Variants in MAP3K3 observed in about 807,000 individuals in gnomAD.
MAP3K3 encodes the protein MAP/ERK kinase kinase 3.
Under a neutral mutation model 80.9 loss-of-function variants are expected in MAP3K3, and 12 were observed. That is an observed-to-expected ratio of 0.15 (90% CI 0.10 to 0.24). The LOEUF (loss-of-function observed/expected upper bound fraction) is 0.24, where lower values mean the gene tolerates loss of function less well. MAP3K3 is among the 10% of genes least tolerant of loss of function. MAP3K3 has a pLI of 1.00. For synonymous variants in MAP3K3, 272 were observed against 307.1 expected (o/e 0.89, Z 1.19); for missense variants, 596 against 834.7 (o/e 0.71, Z 3.52).
chr17:63,634,333 A>G (rs1388590195), intron 2 of MAP3K3, among the ~76,000 whole-genome samples: 2 of 152,152 alleles, frequency 1.3e-5, no homozygotes, highest in East Asian at 1.9e-4. Flanking sequence ...AGACTGGACT[A>G]TTAGCATGAA....
In MAP3K3 at chr17:63,690,366, C is replaced by T. The variant is rs1247901635; in HGVS notation, c.1166C>T (p.Ala389Val). ...GACGTGGACACGGGACGTGAACTTG[C>T]TTCCAAGCAGGTCCAATTTGATCCA... The part of the protein sequence containing the change: ...CYDVDTGREL[A>V]SKQVQFDPDS... Residue 389 changes from alanine (A) to valine (V), a missense_variant, in exon 12 of 16, where the codon GCT (alanine) becomes GTT (valine). By Grantham distance (64) the Ala-to-Val change is moderately conservative. Transcript: ENST00000361733. The T allele has an allele frequency of 6.2e-7, 1 of 1,614,188 alleles. No individual in the cohort carries two copies. Among genetic ancestry groups the T allele is most frequent in the South Asian group, 1.1e-5 (1 of 91,082 alleles).
At chr17:63,656,664 C>T (rs572422387) in intron 4 of MAP3K3, among the ~76,000 whole-genome samples, 122 of 152,152 alleles carry the variant, frequency 8.0e-4, no homozygotes, top group African/African-American at 2.5e-3. Flanking sequence ...GCAAGGCATA[C>T]GTTTGCATCT....
chr17:63,645,914 C>G (rs1342861381), intron 2 of MAP3K3, 120 bp from the exon 3 acceptor site: 1 of 722,412 alleles, frequency 1.4e-6, no homozygotes, highest in Non-Finnish European at 2.6e-6. Flanking sequence ...GAAGCTGGAC[C>G]AGGAGCCATC....
At chr17:63,663,484 G>A (rs552929655) in intron 5 of MAP3K3, among the ~76,000 whole-genome samples, 1 of 150,416 alleles carries the variant, frequency 6.6e-6, no homozygotes, top group East Asian at 2.0e-4. Flanking sequence ...CCTGGGCGAT[G>A]AGCGAAACTC....
At chr17:63,669,252 G>A (rs1458521047) in intron 6 of MAP3K3, among the ~76,000 whole-genome samples, 2 of 152,190 alleles carry the variant, frequency 1.3e-5, no homozygotes, top group Non-Finnish European at 2.9e-5. Context: ...GACAAGGGGA[G>A]AGAGGAGAGG....
intron 4 of MAP3K3, among the ~76,000 whole-genome samples, chr17:63,653,757 A>G (rs925535122): frequency 4.6e-5 from 7 of 152,220 alleles, no homozygotes; most frequent in Admixed American, 4.6e-4. Context: ...ATCTCTTTGT[A>G]ATTATAGTTT....
intron 7 of MAP3K3, 46 bp from the exon 8 acceptor site, chr17:63,685,471 G>T: frequency 6.7e-7 from 1 of 1,483,816 alleles, no homozygotes; most frequent in Non-Finnish European, 9.4e-7. Flanking sequence ...TCACTGGGGG[G>T]AATTGGGGCT....
At chr17:63,645,612 C>T (rs1235926695) in intron 2 of MAP3K3, among the ~76,000 whole-genome samples, 1 of 152,238 alleles carries the variant, frequency 6.6e-6, no homozygotes, top group Admixed American at 6.5e-5. Flanking sequence ...GGATAAGTAA[C>T]TTGCCTGTGG....
chr17:63,686,478 T>C lies in MAP3K3; in HGVS notation c.710+888T>C, dbSNP rs561146314. ...AAGGCACAGGCAAGAGTGCCAGGGCTTGCTGTCATAGACTGAGGGCTCTGC... is the reference window on the plus strand; with the variant it reads ...AAGGCACAGGCAAGAGTGCCAGGGCCTGCTGTCATAGACTGAGGGCTCTGC... On this transcript the variant is annotated intron_variant, in intron 8 of 15. Transcript: ENST00000361733. Among the ~76,000 whole-genome samples, 9 of 152,330 alleles carry C rather than the reference T, an allele frequency of 5.9e-5. No individual in the cohort carries two copies. In the South Asian group the frequency reaches 1.9e-3, roughly 32 times the overall value.
At chr17:63,662,046 T>C (rs1263214040) in intron 5 of MAP3K3, among the ~76,000 whole-genome samples, 1 of 151,982 alleles carries the variant, frequency 6.6e-6, no homozygotes, top group Non-Finnish European at 1.5e-5. Flanking sequence ...GAGCTTGCAG[T>C]GAGCCAGGAT....
In MAP3K3 at chr17:63,693,057, T is replaced by C. The variant is rs1457804511; in HGVS notation, c.1653-492T>C. Among the ~76,000 whole-genome samples, 2 of 152,050 alleles carry C rather than the reference T, an allele frequency of 1.3e-5. No homozygotes were observed. The highest frequency in any genetic ancestry group is 4.8e-5 in the African/African-American group (2 of 41,452). ...CAATGAAAGCAAGAGGTTGGAGTAA[T>C]ACAAGGAGGGGACCATGAGCCACGA... On this transcript the variant is annotated intron_variant, in intron 15 of 15. Transcript: ENST00000361733. The surrounding 1 kb of genome is among the most constrained non-coding windows in gnomAD (Gnocchi z 4.2).
chr17:63,680,368 G>A (rs553640579), intron 6 of MAP3K3, among the ~76,000 whole-genome samples: 24 of 152,248 alleles, frequency 1.6e-4, no homozygotes, highest in African/African-American at 5.8e-4. Context: ...ACAGGAAAAG[G>A]GTTCAGGATA....
chr17:63,688,645 T>C, intron 9 of MAP3K3, 51 bp downstream of exon 9: 1 of 1,555,918 alleles, frequency 6.4e-7, no homozygotes, highest in Non-Finnish European at 8.9e-7. Flanking sequence ...GGGTGGGGCC[T>C]CAGGTGGCTC....
chr17:63,635,700 TCA>T, intron 2 of MAP3K3, among the ~76,000 whole-genome samples: 1 of 152,348 alleles, frequency 6.6e-6, no homozygotes, highest in East Asian at 1.9e-4. Context: ...ATTTTATAAT[TCA>T]CAGAGTTACA....
rs115103235 is a variant in MAP3K3 at position 63,674,710 on chromosome 17, G to C, written c.503-7056G>C. On this transcript the variant is annotated intron_variant, in intron 6 of 15. Coordinates refer to ENST00000361733, the MANE Select transcript of MAP3K3 (RefSeq NM_002401.5). ...TATGAAGGGAGGGATAAAGACAGCTGAAAAGGAGGGGTTAAAGGTGATGAA... is the reference window on the plus strand; with the variant it reads ...TATGAAGGGAGGGATAAAGACAGCTCAAAAGGAGGGGTTAAAGGTGATGAA... Among the ~76,000 whole-genome samples, 758 of 152,202 alleles carry C rather than the reference G, an allele frequency of 5.0e-3. 15 individuals are homozygous for C. The highest frequency in any genetic ancestry group is 0.017 in the African/African-American group (725 of 41,516).
intron 2 of MAP3K3, among the ~76,000 whole-genome samples, chr17:63,641,402 C>T (rs2034439727): frequency 6.6e-6 from 1 of 152,034 alleles, no homozygotes; most frequent in Middle Eastern, 3.4e-3. Context: ...GCCACCACAC[C>T]CGGCTAATTT....
intron 3 of MAP3K3, among the ~76,000 whole-genome samples, chr17:63,648,287 G>C (rs1260983176): frequency 6.6e-6 from 1 of 152,184 alleles, no homozygotes; most frequent in Non-Finnish European, 1.5e-5. Context: ...CTCTGATCAT[G>C]ATCCTTTTTC....
At chr17:63,668,661 C>T (rs958696328) in intron 6 of MAP3K3, among the ~76,000 whole-genome samples, 2 of 152,144 alleles carry the variant, frequency 1.3e-5, no homozygotes, top group African/African-American at 4.8e-5. Flanking sequence ...AATACTTAGC[C>T]ACTGGACCCT....
intron 1 of MAP3K3, among the ~76,000 whole-genome samples, chr17:63,629,326 T>C (rs1468796277): frequency 6.6e-6 from 1 of 152,220 alleles, no homozygotes; most frequent in Non-Finnish European, 1.5e-5. Flanking sequence ...GGTTTCACCA[T>C]GTTGGCCAGG....
Sources: gnomAD v4.1 joint callset for allele counts (sites outside exome capture counted in the v4.1 genomes callset) on GRCh38, gnomAD v4.1.1 for gene constraint, Gnocchi (gnomAD v3.1) non-coding constraint, MANE v1.5 for transcripts, NCBI Gene and HGNC (gene_info 2026-07-23, HGNC 2026-07-21) for gene names.